Variants in NFATC3 observed in about 807,000 individuals in gnomAD.
NFATC3 encodes the protein nuclear factor of activated T-cells, cytoplasmic 3.
A neutral mutation model predicts 98.6 loss-of-function variants in NFATC3; 46 were observed. The observed-to-expected ratio is 0.47, with a 90% CI of 0.37 to 0.60. The LOEUF (loss-of-function observed/expected upper bound fraction) is 0.60. Ranked by LOEUF, NFATC3 falls within the 20% of genes least tolerant of loss-of-function variation. The pLI, the probability that NFATC3 is intolerant of heterozygous loss-of-function variation, is 0.00. For synonymous variants in NFATC3, 512 were observed against 472.2 expected, an observed-to-expected ratio of 1.08 and a Z score of -1.09; for missense variants, 1,256 against 1,295.5, an observed-to-expected ratio of 0.97 and a Z score of 0.47.
Position 68,162,494 on chromosome 16 carries a change from C to G in NFATC3, c.1602-4349C>G, listed in dbSNP as rs529066491. ...CTTAAGTATGTATTAAGTGTCTTTA[C>G]TGTTCTCTTAAGGCAATAAGGTGTG... On this transcript the variant is annotated intron_variant, in intron 4 of 9. Transcript: ENST00000346183. Among the ~76,000 whole-genome samples the G allele has an allele frequency of 3.9e-5, 6 of 152,070 alleles. No homozygotes were observed. In the East Asian group the frequency reaches 9.6e-4, roughly 24 times the overall value.
chr16:68,095,147 G>T (rs555517325), intron 1 of NFATC3, among the ~76,000 whole-genome samples: 1 of 152,090 alleles, frequency 6.6e-6, no homozygotes, highest in South Asian at 2.1e-4. Flanking sequence ...TCAACCAAAA[G>T]AATTGTCTGT....
intron 9 of NFATC3, chr16:68,217,959 T>C: frequency 8.2e-7 from 1 of 1,217,086 alleles, no homozygotes; most frequent in Non-Finnish European, 1.0e-6. Flanking sequence ...GAAGAATGAA[T>C]TAAGATAATT....
intron 1 of NFATC3, chr16:68,086,627 G>T: frequency 2.0e-6 from 2 of 985,236 alleles, no homozygotes; most frequent in Non-Finnish European, 2.4e-6. Context: ...CAGTTTCCCT[G>T]TTACATATGC....
intron 3 of NFATC3, among the ~76,000 whole-genome samples, chr16:68,138,259 C>T (rs1315687701): frequency 2.0e-5 from 3 of 150,682 alleles, no homozygotes; most frequent in Non-Finnish European, 4.4e-5. Flanking sequence ...AGGCTAGTCT[C>T]GAACTCCTGA....
At chr16:68,195,460 A>G (rs2040623925) in intron 9 of NFATC3, among the ~76,000 whole-genome samples, 1 of 152,054 alleles carries the variant, frequency 6.6e-6, no homozygotes, top group Admixed American at 6.6e-5. Flanking sequence ...ACCTGGACTC[A>G]GGAGTTCGAG....
chr16:68,132,046 C>T (rs2037139930), intron 3 of NFATC3, among the ~76,000 whole-genome samples: 1 of 152,128 alleles, frequency 6.6e-6, no homozygotes, highest in Non-Finnish European at 1.5e-5. Flanking sequence ...TCCACTTTCC[C>T]TTTTAAATGA....
At chr16:68,148,600 C>T (rs2038156710) in intron 3 of NFATC3, among the ~76,000 whole-genome samples, 2 of 152,144 alleles carry the variant, frequency 1.3e-5, no homozygotes, top group African/African-American at 2.4e-5. Context: ...CAGCACAAGT[C>T]ATTTTGCATC....
chr16:68,147,680 G>C (rs1344073236), intron 3 of NFATC3, among the ~76,000 whole-genome samples: 1 of 150,078 alleles, frequency 6.7e-6, no homozygotes, highest in Non-Finnish European at 1.5e-5. Flanking sequence ...ATACCAAAAA[G>C]GAATGACTAA....
intron 9 of NFATC3, among the ~76,000 whole-genome samples, chr16:68,202,707 G>A (rs1203720218): frequency 6.6e-6 from 1 of 152,108 alleles, no homozygotes; most frequent in African/African-American, 2.4e-5. Context: ...AGCTACTCGG[G>A]AGGCTGAGGC....
At chr16:68,180,628 C>T (rs115730657) in intron 6 of NFATC3, among the ~76,000 whole-genome samples, 1,595 of 152,024 alleles carry the variant, frequency 0.01, 33 homozygotes, top group African/African-American at 0.037. Flanking sequence ...TTAGATATAT[C>T]TCCTAATGCT....
intron 1 of NFATC3, among the ~76,000 whole-genome samples, chr16:68,106,084 G>T (rs1246284438): frequency 1.3e-5 from 2 of 151,952 alleles, no homozygotes. Flanking sequence ...TGGCCAGGCT[G>T]GTCTTGAACT....
At chr16:68,106,176 A>G (rs1349011870) in intron 1 of NFATC3, among the ~76,000 whole-genome samples, 2 of 152,024 alleles carry the variant, frequency 1.3e-5, no homozygotes, top group Admixed American at 1.3e-4. Flanking sequence ...GATCCTGTTC[A>G]TAGTATTCTT....
At chr16:68,101,820 T>C (rs2035381646) in intron 1 of NFATC3, among the ~76,000 whole-genome samples, 1 of 152,148 alleles carries the variant, frequency 6.6e-6, no homozygotes, top group South Asian at 2.1e-4. Flanking sequence ...TCAGCATTTT[T>C]GACACATCAA....
intron 3 of NFATC3, among the ~76,000 whole-genome samples, chr16:68,137,677 G>C (rs572116427): frequency 1.3e-4 from 19 of 148,280 alleles, no homozygotes; most frequent in African/African-American, 3.8e-4. Context: ...GCAGTGGCTC[G>C]ATCTCCGCTC....
chr16:68,220,627 G>T lies in NFATC3; in HGVS notation c.3107-5723G>T, dbSNP rs2041824925. ...TTTTTTTAAGAGACAAATTGTCCCG[G>T]CCGGGCAGGGTGGCTCACGCCTGTA... On this transcript the variant is annotated intron_variant, in intron 9 of 9. Coordinates refer to ENST00000346183, the MANE Select transcript of NFATC3 (RefSeq NM_173165.3). Among the ~76,000 whole-genome samples the T allele has an allele frequency of 2.7e-5, 4 of 150,356 alleles. No homozygotes were observed. The South Asian group carries it at 8.4e-4, about 31-fold the overall frequency.
intron 5 of NFATC3, among the ~76,000 whole-genome samples, chr16:68,171,849 C>T (rs1252035461): frequency 1.3e-5 from 2 of 151,528 alleles, no homozygotes; most frequent in Admixed American, 6.6e-5. Context: ...AGTGCAGTGG[C>T]GCGATCTCGG....
intron 5 of NFATC3, 123 bp downstream of exon 5, chr16:68,167,138 G>T: frequency 1.0e-6 from 1 of 969,224 alleles, no homozygotes; most frequent in Non-Finnish European, 1.5e-6. Context: ...TTGCTGGTTT[G>T]ATTTTCTCAT....
chr16:68,221,408 A>G (rs1038682826), intron 9 of NFATC3: 1 of 1,465,018 alleles, frequency 6.8e-7, no homozygotes, highest in African/African-American at 1.4e-5. Flanking sequence ...ACTTTGTTGC[A>G]GTTCTGACTC....
rs752239204 is a variant in NFATC3 at position 68,191,308 on chromosome 16, A to C, written c.2639A>C (p.Gln880Pro). 6 of 1,614,070 alleles carry C rather than the reference A, an allele frequency of 3.7e-6. No individual in the cohort carries two copies. The highest frequency in any genetic ancestry group is 2.2e-5 in the East Asian group (1 of 44,894). ...TCTGTGCATACCCTGCCTCATCTGC[A>C]ATCAATGGGATATCATTGTTCAAAT... ...PHSVHTLPHL[Q>P]SMGYHCSNTG... The change falls in exon 9 of 10, where the codon CAA becomes CCA. Residue 880 changes from glutamine (Q) to proline (P), a missense_variant. By Grantham distance (76) the Gln-to-Pro change is moderately conservative (BLOSUM62 -1). Transcript: ENST00000346183.
Sources: gnomAD v4.1 joint callset for allele counts (sites outside exome capture counted in the v4.1 genomes callset) on GRCh38, gnomAD v4.1.1 for gene constraint, MANE v1.5 for transcripts, NCBI Gene and HGNC (gene_info 2026-07-23, HGNC 2026-07-21) for gene names.